The following SYCP2 variants were observed in gnomAD, a reference collection of about 807,000 sequenced individuals.
The protein encoded by SYCP2 is synaptonemal complex protein 2, also known as synaptonemal complex lateral element protein.
In SYCP2, 55 loss-of-function variants were observed where a neutral mutation model predicts 211.3. The ratio of observed to expected loss-of-function variants is 0.26; its 90% CI spans 0.21 to 0.33. The LOEUF (loss-of-function observed/expected upper bound fraction) is 0.33. Among genes scored for constraint, SYCP2 ranks in the 10% least tolerant of loss-of-function variants. The probability of loss-of-function intolerance (pLI) is 1.00; values close to 1 mark genes in which losing one functional copy is unlikely to be tolerated. For missense variants in SYCP2, 1,731 were observed against 1,752.0 expected (o/e 0.99, Z 0.21); for synonymous variants, 570 against 555.2 (o/e 1.03, Z -0.37).
At chr20:59,917,611 GATTA>G (rs1266157275) in intron 7 of SYCP2, among the ~76,000 whole-genome samples, 8 of 146,212 alleles carry the variant, frequency 5.5e-5, no homozygotes, top group African/African-American at 1.5e-4. Flanking sequence ...GAAGAGGTAG[GATTA>G]ATTATTATTT....
At chr20:59,914,905 T>C (rs2145848777) in intron 10 of SYCP2, among the ~76,000 whole-genome samples, 1 of 152,086 alleles carries the variant, frequency 6.6e-6, no homozygotes, top group Admixed American at 6.5e-5. Context: ...GCTATTAAAT[T>C]AAGCTATTAA....
chr20:59,879,349 TCTCACC>T (rs761065029), intron 31 of SYCP2, among the ~76,000 whole-genome samples: 1,800 of 152,050 alleles, frequency 0.012, 125 homozygotes, highest in Admixed American at 0.099. Flanking sequence ...TCTGGTGACC[TCTCACC>T]TAAATTTCAA....
At chr20:59,893,655 C>T (rs1402388630) in intron 20 of SYCP2, 62 bp from the exon 21 acceptor site, 3 of 1,272,046 alleles carry the variant, frequency 2.4e-6, no homozygotes, top group Non-Finnish European at 3.3e-6. Context: ...CTAAATGTTA[C>T]AGTATTAAGG....
chr20:59,864,342 A>C lies in SYCP2; in HGVS notation c.4562T>G (p.Phe1521Cys). The change falls in exon 45 of 45, where the codon TTC becomes TGC. Residue 1521 changes from phenylalanine to cysteine, a missense_variant. Physicochemically the swap from Phe to Cys is radical, Grantham distance 205 (BLOSUM62 -2). Coordinates refer to ENST00000357552, the MANE Select transcript of SYCP2 (RefSeq NM_014258.4). Reference protein sequence around the residue: ...LNVRRELMSVFMSHERNANV With the variant: ...LNVRRELMSVCMSHERNANV ...ATTAGCATTTCTTTCATGAGACATG[A>C]ATACTGACATCAGTTCTCTGCGTAC... The C allele has an allele frequency of 6.2e-7, 1 of 1,606,902 alleles. No individual in the cohort carries two copies. The highest frequency in any genetic ancestry group is 2.2e-5 in the East Asian group (1 of 44,652).
At chr20:59,892,823 TTATC>T in intron 22 of SYCP2, 122 bp from the exon 23 acceptor site, 1 of 831,950 alleles carries the variant, frequency 1.2e-6, no homozygotes, top group Non-Finnish European at 1.8e-6. Flanking sequence ...ATGTGGAAAT[TTATC>T]TTATCTTACA....
At chr20:59,864,749 C>T (rs2059296317) in intron 44 of SYCP2, among the ~76,000 whole-genome samples, 1 of 152,048 alleles carries the variant, frequency 6.6e-6, no homozygotes, top group South Asian at 2.1e-4. Context: ...GCCACAACAT[C>T]TTGATCCTGT....
chr20:59,927,542 C>T (rs1009295933), intron 2 of SYCP2, among the ~76,000 whole-genome samples: 5 of 151,916 alleles, frequency 3.3e-5, no homozygotes, highest in Admixed American at 6.6e-5. Context: ...TTCCACAATC[C>T]AAAGAGAATA....
chr20:59,866,337 C>G lies in SYCP2; in HGVS notation c.4276G>C (p.Glu1426Gln), dbSNP rs377589640. 1 of 1,595,950 alleles carries G rather than the reference C, an allele frequency of 6.3e-7. No individual in the cohort carries two copies. The highest frequency in any genetic ancestry group is 8.5e-7 in the Non-Finnish European group (1 of 1,173,056). The change falls in exon 41 of 45, where the codon GAA becomes CAA. Residue 1426 changes from glutamate to glutamine, a missense_variant. By Grantham distance (29) the Glu-to-Gln change is conservative (BLOSUM62 2). Around this residue, in one of 3 missense-constraint regions of SYCP2, gnomAD observed 1,387 missense variants for 1,351.3 expected, o/e 1.03. Transcript: ENST00000357552. ...TCTTTTAAAGACTGTGAATCTTTTTCAAAATTCTCCAGCTCCTCTATGATA... is the reference window on the plus strand; with the variant it reads ...TCTTTTAAAGACTGTGAATCTTTTTGAAAATTCTCCAGCTCCTCTATGATA... ...FIIIEELENF[E>Q]KDSQSLKDLE...
At position 59,892,242 on chromosome 20, in the gene SYCP2, C is replaced by T. The variant is rs1236236084; in HGVS notation, c.2112G>A (p.Gly704=). The T allele has an allele frequency of 6.2e-7, 1 of 1,612,834 alleles. No individual in the cohort carries two copies. Among genetic ancestry groups the T allele is most frequent in the Non-Finnish European group, 8.5e-7 (1 of 1,179,244 alleles). Residue 704 remains glycine, a synonymous_variant, in exon 24 of 45, where the codon GGG becomes GGA. Coordinates refer to ENST00000357552, the MANE Select transcript of SYCP2 (RefSeq NM_014258.4). ...GCTTGGCATTTTCAGTATTTTTCTG[C>T]CCTGAATATTTAGGATGATTTTGTT... ...NQQQNHPKYS[G]QKNTENAKQS...
At chr20:59,878,697 TATA>T (rs1283525568) in intron 31 of SYCP2, among the ~76,000 whole-genome samples, 3 of 152,126 alleles carry the variant, frequency 2.0e-5, no homozygotes, top group Non-Finnish European at 4.4e-5. Flanking sequence ...CTCTAAACAA[TATA>T]ATGAGATTTA....
In SYCP2 at chr20:59,863,864, A is replaced by C. The variant is rs2059279798; in HGVS notation, c.*447T>G. ...GATCTACCACTCAGTTATACATTTT[A>C]AACTAGGGACTTCCTCCCCCTTGTA... On this transcript the variant is annotated 3_prime_UTR_variant, in exon 45 of 45. Coordinates refer to ENST00000357552, the MANE Select transcript of SYCP2 (RefSeq NM_014258.4). 6.6e-6 allele frequency: 1 copy of C among 152,286 alleles called. No individual in the cohort carries two copies. Among genetic ancestry groups the C allele is most frequent in the Non-Finnish European group, 1.5e-5 (1 of 68,188 alleles). The allele number at this position is 152,286 out of a possible 1,614,324, so 9.4% of individuals were successfully genotyped here.
At chr20:59,921,101 A>G (rs574591055) in intron 4 of SYCP2, among the ~76,000 whole-genome samples, 1 of 151,718 alleles carries the variant, frequency 6.6e-6, no homozygotes, top group South Asian at 2.1e-4. Context: ...ATATTTTTGT[A>G]TATTTTATTT....
chr20:59,894,900 C>T (rs1165872191), intron 20 of SYCP2, among the ~76,000 whole-genome samples: 1 of 152,058 alleles, frequency 6.6e-6, no homozygotes, highest in African/African-American at 2.4e-5. Flanking sequence ...CCATTTGACT[C>T]TTTATTGACC....
chr20:59,894,276 T>C (rs1600885274), intron 20 of SYCP2, among the ~76,000 whole-genome samples: 1 of 152,120 alleles, frequency 6.6e-6, no homozygotes, highest in South Asian at 2.1e-4. Flanking sequence ...GCAGGTGTGG[T>C]TTGGGTTGTC....
chr20:59,932,674 G>C (rs1444762365), intron 1 of SYCP2, among the ~76,000 whole-genome samples: 1 of 151,946 alleles, frequency 6.6e-6, no homozygotes, highest in Non-Finnish European at 1.5e-5. Flanking sequence ...ACTCCGTCTC[G>C]GGAAAAAAAA....
At chr20:59,890,052 T>TATAC (rs2059874452) in intron 24 of SYCP2, among the ~76,000 whole-genome samples, 1 of 152,212 alleles carries the variant, frequency 6.6e-6, no homozygotes, top group African/African-American at 2.4e-5. Flanking sequence ...TTACTGGGTA[T>TATAC]ATACCCAAAG....
intron 26 of SYCP2, 66 bp from the exon 27 acceptor site, chr20:59,882,231 ACTAAT>A: frequency 8.6e-7 from 1 of 1,162,418 alleles, no homozygotes; most frequent in Non-Finnish European, 1.3e-6. Flanking sequence ...GCTCAACAGC[ACTAAT>A]CAGAAATGCA....
In SYCP2 at chr20:59,878,020, T is replaced by C. The variant is rs1287938462; in HGVS notation, c.2967A>G (p.Pro989=). 4.4e-6 allele frequency: 7 copies of C among 1,606,742 alleles called. No homozygotes were observed. In the East Asian group the frequency reaches 1.4e-4, roughly 31 times the overall value. The change falls in exon 32 of 45, where the codon CCA becomes CCG. Residue 989 remains proline, a synonymous_variant. Transcript: ENST00000357552. ...CTTCTTGGCTTACCATTTTAGAGCT[T>C]GGCTGTCCCTTTTCCAAGGATGATC... ...KSRSSLEKGQ[P]SSKMTPSKNI...
intron 8 of SYCP2, among the ~76,000 whole-genome samples, chr20:59,916,136 A>G (rs570558691): frequency 2.6e-5 from 4 of 152,368 alleles, no homozygotes; most frequent in East Asian, 1.9e-4. Flanking sequence ...TAACTCCATT[A>G]TAAGATCTGA....
Sources: allele counts gnomAD v4.1 joint callset (sites outside exome capture counted in the v4.1 genomes callset), GRCh38; gene constraint gnomAD v4.1.1; regional missense constraint gnomAD v4.1.1; transcripts MANE v1.5; gene names NCBI Gene and HGNC (gene_info 2026-07-23, HGNC 2026-07-21).